The following CELF1 variants were observed in gnomAD, a reference collection of about 807,000 sequenced individuals.
CELF1 encodes CUGBP Elav-like family member 1.
Under a neutral mutation model 61.8 loss-of-function variants are expected in CELF1, and 10 were observed. The ratio of observed to expected loss-of-function variants is 0.16; its 90% CI spans 0.10 to 0.27. CELF1 has a LOEUF of 0.27. Ranked by LOEUF, CELF1 falls within the 10% of genes least tolerant of loss-of-function variation. The pLI, the probability that CELF1 is intolerant of heterozygous loss-of-function variation, is 1.00. For missense variants in CELF1, 380 were observed against 639.1 expected, an observed-to-expected ratio of 0.59 and a Z score of 4.37; for synonymous variants, 236 against 225.1, an observed-to-expected ratio of 1.05 and a Z score of -0.43.
chr11:47,492,473 A>T (rs1421282882), intron 3 of CELF1, among the ~76,000 whole-genome samples: 1 of 152,218 alleles, frequency 6.6e-6, no homozygotes, highest in Non-Finnish European at 1.5e-5. Flanking sequence ...TCATGCCTGT[A>T]ATCCTAGCAA....
exon 1 of CELF1, chr11:47,565,473 C>A: frequency 1.5e-6 from 1 of 674,096 alleles, no homozygotes; most frequent in Non-Finnish European, 2.0e-6. Flanking sequence ...GCCAGTCCCC[C>A]AGAGTCCAGG....
At chr11:47,478,767 A>T in intron 10 of CELF1, 110 bp downstream of exon 10, 1 of 858,478 alleles carries the variant, frequency 1.2e-6, no homozygotes, top group Non-Finnish European at 1.9e-6. Flanking sequence ...AGGTTTACAT[A>T]ATAAGCAAAA....
At chr11:47,551,686 T>C (rs1370438521) in intron 1 of CELF1, among the ~76,000 whole-genome samples, 1 of 152,118 alleles carries the variant, frequency 6.6e-6, no homozygotes, top group Non-Finnish European at 1.5e-5. Context: ...TCCCAATTCA[T>C]GGGTAATCAA....
chr11:47,480,911 C>T (rs555358955), intron 9 of CELF1, among the ~76,000 whole-genome samples: 1 of 152,006 alleles, frequency 6.6e-6, no homozygotes, highest in South Asian at 2.1e-4. Flanking sequence ...TGGCACATGA[C>T]TGTAATCCCA....
In CELF1 at chr11:47,473,182, A is replaced by G. The variant is rs1243241910; in HGVS notation, c.1323T>C (p.Gly441=). 3.1e-6 allele frequency: 5 copies of G among 1,614,148 alleles called. No individual in the cohort carries two copies. The South Asian group carries it at 5.5e-5, about 18-fold the overall frequency. The part of the protein sequence containing the change: ...LFIYHLPQEF[G]DQDLLQMFMP... Reference sequence around the variant, plus strand: ...TAAACATCTGCAGCAGGTCCTGATCACCAAACTCCTGGGGCAGGTGGTAGA... The same window carrying G: ...TAAACATCTGCAGCAGGTCCTGATCGCCAAACTCCTGGGGCAGGTGGTAGA... The change falls in exon 14 of 15, where the codon GGT becomes GGC. Residue 441 remains glycine (G), a synonymous_variant. Coordinates refer to ENST00000687097, the MANE Select transcript of CELF1 (RefSeq NM_001376376.1).
intron 3 of CELF1, 56 bp downstream of exon 3, chr11:47,499,397 A>G (rs1488871645): frequency 7.3e-7 from 1 of 1,375,672 alleles, no homozygotes; most frequent in Non-Finnish European, 9.9e-7. Flanking sequence ...CATCAAATAA[A>G]GAAAACAGCC....
At position 47,548,192 on chromosome 11, in the gene CELF1, G is replaced by A. The variant is rs192152940; in HGVS notation, c.-154+4800C>T. 2.5e-3 allele frequency among the ~76,000 whole-genome samples: 386 copies of A among 151,992 alleles called. 2 individuals are homozygous for A. The highest frequency in any genetic ancestry group is 8.5e-3 in the African/African-American group (351 of 41,458). ...CAGGAACCTGTAATCCCAGCTACTCGGGAGGCTGAGGTAGGAGAATCGCTT... is the reference window on the plus strand; with the variant it reads ...CAGGAACCTGTAATCCCAGCTACTCAGGAGGCTGAGGTAGGAGAATCGCTT... On this transcript the variant is annotated intron_variant, in intron 1 of 14. Transcript: ENST00000687097.
chr11:47,528,279 G>A (rs775789487), intron 1 of CELF1, among the ~76,000 whole-genome samples: 86 of 152,044 alleles, frequency 5.7e-4, no homozygotes, highest in African/African-American at 1.1e-3. Flanking sequence ...GGACTAGATC[G>A]GGGTCCATAT....
chr11:47,486,666 C>T, intron 6 of CELF1, 84 bp downstream of exon 6: 1 of 1,142,720 alleles, frequency 8.8e-7, no homozygotes, highest in Non-Finnish European at 1.3e-6. Flanking sequence ...TCTTGGCCTC[C>T]CAAAGTGCTG....
At chr11:47,515,441 TA>T (rs1276055987) in intron 1 of CELF1, among the ~76,000 whole-genome samples, 2 of 152,200 alleles carry the variant, frequency 1.3e-5, no homozygotes, top group Non-Finnish European at 2.9e-5. Context: ...AGTTCCTTCT[TA>T]GTTTCACTGC....
intron 1 of CELF1, among the ~76,000 whole-genome samples, chr11:47,526,768 A>G (rs958204193): frequency 1.3e-5 from 2 of 152,222 alleles, no homozygotes; most frequent in Non-Finnish European, 2.9e-5. Context: ...TAAGTTAACC[A>G]GTCATCAAAA....
intron 1 of CELF1, among the ~76,000 whole-genome samples, chr11:47,535,940 T>TA (rs2096618889): frequency 6.6e-6 from 1 of 151,940 alleles, no homozygotes; most frequent in Admixed American, 6.6e-5. Context: ...TTTTTTCTGT[T>TA]TTTAGTACAG....
chr11:47,545,027 A>G (rs1044991454), intron 1 of CELF1, among the ~76,000 whole-genome samples: 3 of 152,134 alleles, frequency 2.0e-5, no homozygotes, highest in African/African-American at 7.2e-5. Flanking sequence ...TCATGCCTGT[A>G]ATCACAACAC....
chr11:47,516,136 G>A (rs1337846902), intron 1 of CELF1, among the ~76,000 whole-genome samples: 4 of 145,730 alleles, frequency 2.7e-5, no homozygotes, highest in Non-Finnish European at 1.5e-5. Flanking sequence ...CCCAGGAGGT[G>A]AACTGAAATC....
intron 1 of CELF1, among the ~76,000 whole-genome samples, chr11:47,546,523 G>A (rs964232545): frequency 6.6e-6 from 1 of 152,090 alleles, no homozygotes; most frequent in Non-Finnish European, 1.5e-5. Flanking sequence ...GAGCCACCAC[G>A]CCGGGCCAAC....
At chr11:47,546,246 T>A (rs2096943599) in intron 1 of CELF1, among the ~76,000 whole-genome samples, 1 of 146,966 alleles carries the variant, frequency 6.8e-6, no homozygotes, top group Non-Finnish European at 1.5e-5. Context: ...CTTTTTTTTT[T>A]TTTTTTTGGG....
chr11:47,521,200 C>T (rs757667370), intron 1 of CELF1, among the ~76,000 whole-genome samples: 3 of 152,096 alleles, frequency 2.0e-5, no homozygotes, highest in Non-Finnish European at 4.4e-5. Flanking sequence ...TGCAGTGAGC[C>T]GACGTCGTGC....
intron 1 of CELF1, among the ~76,000 whole-genome samples, chr11:47,521,011 G>A (rs2095858346): frequency 1.3e-5 from 2 of 152,200 alleles, no homozygotes; most frequent in African/African-American, 4.8e-5. Flanking sequence ...CAGCACTCTG[G>A]GAGGCCAAGA....
intron 1 of CELF1, among the ~76,000 whole-genome samples, chr11:47,544,690 C>T (rs35456696): frequency 1.3e-5 from 2 of 152,176 alleles, no homozygotes; most frequent in Non-Finnish European, 2.9e-5. Context: ...GTTCTGGTAA[C>T]TATAGGATTA....
Sources: gnomAD v4.1 joint callset for allele counts (sites outside exome capture counted in the v4.1 genomes callset) on GRCh38, gnomAD v4.1.1 for gene constraint, MANE v1.5 for transcripts, NCBI Gene and HGNC (gene_info 2026-07-23, HGNC 2026-07-21) for gene names.